The following ZNF423 variants were observed in gnomAD, a reference collection of about 807,000 sequenced individuals.
ZNF423 encodes zinc finger protein 423.
In ZNF423, 12 loss-of-function variants were observed where a neutral mutation model predicts 95.8. That is an observed-to-expected ratio of 0.13 (90% CI 0.08 to 0.20). ZNF423 has a LOEUF of 0.20. Ranked by LOEUF, ZNF423 falls within the 10% of genes least tolerant of loss-of-function variation. The pLI is 1.00. For missense variants in ZNF423, 1,316 were observed against 1,737.1 expected, an observed-to-expected ratio of 0.76 and a Z score of 4.31; for synonymous variants, 749 against 711.9, an observed-to-expected ratio of 1.05 and a Z score of -0.83.
chr16:49,782,353 G>A (rs2034226038), intron 2 of ZNF423, among the ~76,000 whole-genome samples: 3 of 152,194 alleles, frequency 2.0e-5, no homozygotes, highest in South Asian at 4.1e-4. Flanking sequence ...TCTGTTTCTC[G>A]GTTTTCTCAC....
chr16:49,516,647 G>A (rs957616407), intron 7 of ZNF423, among the ~76,000 whole-genome samples: 18 of 152,226 alleles, frequency 1.2e-4, no homozygotes, highest in African/African-American at 4.3e-4. Context: ...TACCGACAGG[G>A]ACCTCAGCAC....
chr16:49,790,235 C>A (rs72780378), intron 1 of ZNF423, among the ~76,000 whole-genome samples: 293 of 152,302 alleles, frequency 1.9e-3, no homozygotes, highest in Non-Finnish European at 3.5e-3. Flanking sequence ...TTGTTTAAGC[C>A]AAAAATGTGC....
intron 5 of ZNF423, among the ~76,000 whole-genome samples, chr16:49,608,903 C>A (rs750154737): frequency 6.6e-6 from 1 of 152,122 alleles, no homozygotes; most frequent in South Asian, 2.1e-4. Flanking sequence ...AGGCACTCAC[C>A]GCCCGCTCTT....
At chr16:49,512,221 G>T (rs1967928235) in intron 7 of ZNF423, among the ~76,000 whole-genome samples, 1 of 152,170 alleles carries the variant, frequency 6.6e-6, no homozygotes, top group Non-Finnish European at 1.5e-5. Context: ...GTAAACACTT[G>T]CAGGCTAGAT....
intron 1 of ZNF423, among the ~76,000 whole-genome samples, chr16:49,815,876 AAAAAAATATATATATAT>A (rs2034832554): frequency 9.7e-5 from 7 of 72,132 alleles, no homozygotes; most frequent in Admixed American, 3.4e-4. Flanking sequence ...CAAACAAAAA[AAAAAAATATATATATAT>A]ATATATATAT....
At chr16:49,541,933 A>G (rs1969262611) in intron 5 of ZNF423, among the ~76,000 whole-genome samples, 1 of 152,260 alleles carries the variant, frequency 6.6e-6, no homozygotes, top group African/African-American at 2.4e-5. Context: ...TTCCTTATAA[A>G]GTATCCAGTG....
intron 2 of ZNF423, among the ~76,000 whole-genome samples, chr16:49,766,804 G>T (rs917904257): frequency 2.6e-5 from 4 of 152,164 alleles, no homozygotes; most frequent in Non-Finnish European, 4.4e-5. Flanking sequence ...TCACTTCCCG[G>T]CTGTGCTATA....
intron 1 of ZNF423, among the ~76,000 whole-genome samples, chr16:49,791,570 C>T (rs2034414156): frequency 6.6e-6 from 1 of 152,118 alleles, no homozygotes; most frequent in South Asian, 2.1e-4. Flanking sequence ...TAGACACCTT[C>T]CACAAGGTCT....
chr16:49,836,110 A>ACC (rs539150618), intron 1 of ZNF423, among the ~76,000 whole-genome samples: 3 of 151,294 alleles, frequency 2.0e-5, no homozygotes, highest in Non-Finnish European at 4.4e-5. Context: ...AGAAAGGAGG[A>ACC]CCCCCCCAGC....
At chr16:49,517,437 TCTC>T (rs1365365646) in intron 7 of ZNF423, among the ~76,000 whole-genome samples, 1 of 152,082 alleles carries the variant, frequency 6.6e-6, no homozygotes, top group African/African-American at 2.4e-5. Flanking sequence ...ATCCAAGTCT[TCTC>T]CTGGTTAAAC....
At chr16:49,778,057 G>A (rs372578536) in intron 2 of ZNF423, among the ~76,000 whole-genome samples, 1 of 152,138 alleles carries the variant, frequency 6.6e-6, no homozygotes, top group East Asian at 1.9e-4. Flanking sequence ...TAACTATCAC[G>A]TATGGCCAGC....
At chr16:49,598,298 G>A (rs1481052887) in intron 5 of ZNF423, among the ~76,000 whole-genome samples, 6 of 152,204 alleles carry the variant, frequency 3.9e-5, no homozygotes, top group Admixed American at 1.3e-4. Context: ...CTGTCACATG[G>A]GAACAATAAC....
intron 2 of ZNF423, among the ~76,000 whole-genome samples, chr16:49,737,565 T>G (rs1418376189): frequency 6.6e-6 from 1 of 152,214 alleles, no homozygotes; most frequent in Non-Finnish European, 1.5e-5. Context: ...CAGCTGATCC[T>G]GACTCTTAAC....
At chr16:49,642,624 T>C (rs767684902) in intron 3 of ZNF423, among the ~76,000 whole-genome samples, 10 of 152,126 alleles carry the variant, frequency 6.6e-5, no homozygotes, top group Non-Finnish European at 1.0e-4. Context: ...TTGCCCTGTT[T>C]AAAGTCTTTT....
At chr16:49,669,221 C>T (rs527859475) in intron 3 of ZNF423, among the ~76,000 whole-genome samples, 3 of 151,744 alleles carry the variant, frequency 2.0e-5, no homozygotes, top group East Asian at 1.9e-4. Context: ...CCCAGCTACT[C>T]GGGAGGCTGA....
intron 5 of ZNF423, among the ~76,000 whole-genome samples, chr16:49,543,620 C>T (rs1021664141): frequency 1.3e-5 from 2 of 152,130 alleles, no homozygotes; most frequent in Admixed American, 6.5e-5. Context: ...CAGTGCAGCC[C>T]GGGAGGAATG....
intron 1 of ZNF423, among the ~76,000 whole-genome samples, chr16:49,791,319 T>C (rs988379856): frequency 1.4e-4 from 21 of 152,248 alleles, no homozygotes; most frequent in Admixed American, 5.2e-4. Context: ...TCAGACAAAA[T>C]TGATATTATT....
At chr16:49,842,394 A>C (rs1252141881) in intron 1 of ZNF423, among the ~76,000 whole-genome samples, 1 of 114,500 alleles carries the variant, frequency 8.7e-6, no homozygotes, top group Non-Finnish European at 1.9e-5. Context: ...GGAAGGAAGG[A>C]AGGAAGGAAG....
chr16:49,593,426 C>T (rs964785240), intron 5 of ZNF423, among the ~76,000 whole-genome samples: 9 of 151,528 alleles, frequency 5.9e-5, no homozygotes, highest in Non-Finnish European at 1.3e-4. Context: ...CAGAGTAAGA[C>T]CTTGTCTCAA....
Sources: gnomAD v4.1 joint callset for allele counts (sites outside exome capture counted in the v4.1 genomes callset) on GRCh38, gnomAD v4.1.1 for gene constraint, MANE v1.5 for transcripts, NCBI Gene and HGNC (gene_info 2026-07-23, HGNC 2026-07-21) for gene names.